Variants in LIPI observed in about 807,000 individuals in gnomAD.
LIPI encodes the protein lipase I.
LIPI carries 59 observed loss-of-function variants against 50.6 expected under a neutral mutation model. That is an observed-to-expected ratio of 1.16 (90% confidence interval 0.94 to 1.45). LIPI has a LOEUF of 1.45. Ranked by LOEUF, LIPI falls within the 40% of genes most tolerant of loss-of-function variation. The pLI, the probability that LIPI is intolerant of heterozygous loss-of-function variation, is 0.00. For missense variants in LIPI, 586 were observed against 536.3 expected (o/e 1.09, Z -0.92); for synonymous variants, 203 against 178.2 (o/e 1.14, Z -1.11).
At chr21:14,144,587 AG>A in intron 9 of LIPI, 35 bp downstream of exon 9, 1 of 1,163,994 alleles carries the variant, frequency 8.6e-7, no homozygotes, top group Middle Eastern at 2.3e-4. Context: ...CAAGTTTAAA[AG>A]ATAACATGTT....
chr21:14,159,473 C>G (rs1481593840), intron 7 of LIPI, among the ~76,000 whole-genome samples: 3 of 151,056 alleles, frequency 2.0e-5, no homozygotes, highest in African/African-American at 7.3e-5. Context: ...AAATTCTTGG[C>G]AAGTTAGGAA....
chr21:14,158,533 A>C (rs1245365134), intron 7 of LIPI, among the ~76,000 whole-genome samples: 12 of 150,912 alleles, frequency 8.0e-5, no homozygotes, highest in East Asian at 5.8e-4. Flanking sequence ...AAATAGAAAA[A>C]GAACAAAATA....
At chr21:14,128,105 G>A (rs8127852) in intron 9 of LIPI, among the ~76,000 whole-genome samples, 4,138 of 152,110 alleles carry the variant, frequency 0.027, 177 homozygotes, top group African/African-American at 0.091. Context: ...TGAAGATACT[G>A]CAGTGTAGGC....
At position 14,109,803 on chromosome 21, in the gene LIPI, C is replaced by G. The variant is rs9984526; in HGVS notation, c.1296-723G>C. 1.9e-3 allele frequency among the ~76,000 whole-genome samples: 287 copies of G among 151,886 alleles called. 1 individual carries two copies. The highest frequency in any genetic ancestry group is 6.3e-3 in the African/African-American group (261 of 41,474). ...GCTTAGGCAGGTTCACAATGCCTAT[C>G]AATGTTAAATTTTACCAAAGCCTTT... On this transcript the variant is annotated intron_variant, in intron 9 of 9. Coordinates refer to ENST00000681601, the MANE Select transcript of LIPI (RefSeq NM_001302998.2).
chr21:14,198,807 A>AT (rs1011661271), intron 1 of LIPI, among the ~76,000 whole-genome samples: 22 of 152,160 alleles, frequency 1.4e-4, no homozygotes, highest in Admixed American at 1.3e-3. Flanking sequence ...TAGAATACAC[A>AT]TTTTTTTCAA....
chr21:14,210,196 G>A (rs933161630), intron 1 of LIPI, among the ~76,000 whole-genome samples: 1 of 151,778 alleles, frequency 6.6e-6, no homozygotes, highest in African/African-American at 2.4e-5. Context: ...CTTATAAGTC[G>A]AACAAGTAAT....
intron 3 of LIPI, 28 bp downstream of exon 3, chr21:14,185,933 A>G: frequency 8.0e-7 from 1 of 1,252,344 alleles, no homozygotes; most frequent in Non-Finnish European, 1.2e-6. Flanking sequence ...AGTATGCTAA[A>G]GCAATAATTT....
At chr21:14,204,906 C>A (rs2123349571) in intron 1 of LIPI, among the ~76,000 whole-genome samples, 1 of 151,768 alleles carries the variant, frequency 6.6e-6, no homozygotes, top group African/African-American at 2.4e-5. Context: ...GATTTCATAG[C>A]ACATACATTT....
chr21:14,149,439 CT>C (rs1196109414), intron 8 of LIPI, among the ~76,000 whole-genome samples: 2 of 152,092 alleles, frequency 1.3e-5, no homozygotes, highest in Non-Finnish European at 1.5e-5. Flanking sequence ...CATTCCACCC[CT>C]GGCCTTCCCA....
At chr21:14,185,814 C>A (rs370207661) in intron 3 of LIPI, 147 bp downstream of exon 3, 7 of 575,356 alleles carry the variant, frequency 1.2e-5, no homozygotes, top group East Asian at 9.1e-5. Flanking sequence ...GCCCACGAAG[C>A]AGAGGTTGCA....
At chr21:14,155,349 A>C (rs2018236742) in intron 7 of LIPI, among the ~76,000 whole-genome samples, 1 of 151,984 alleles carries the variant, frequency 6.6e-6, no homozygotes, top group African/African-American at 2.4e-5. Context: ...GTGGGACTAT[A>C]ATAAAAGATG....
chr21:14,168,114 A>G (rs2018759268), intron 4 of LIPI, among the ~76,000 whole-genome samples: 1 of 152,236 alleles, frequency 6.6e-6, no homozygotes, highest in African/African-American at 2.4e-5. Context: ...AAAGGGTATC[A>G]GTGATGGAAG....
intron 9 of LIPI, among the ~76,000 whole-genome samples, chr21:14,117,462 T>G (rs760126551): frequency 2.6e-4 from 40 of 152,280 alleles, no homozygotes; most frequent in Middle Eastern, 3.4e-3. Context: ...CACAACAGAC[T>G]TTACCAATAG....
At chr21:14,122,119 G>A (rs1568833872) in intron 9 of LIPI, among the ~76,000 whole-genome samples, 1 of 152,204 alleles carries the variant, frequency 6.6e-6, no homozygotes, top group African/African-American at 2.4e-5. Context: ...GTGTAAACTT[G>A]ATCACAGTAG....
At position 14,210,862 on chromosome 21, in the gene LIPI, G is replaced by A. The variant is rs1321367866; in HGVS notation, c.-17C>T. The A allele has an allele frequency of 2.4e-6, 3 of 1,225,690 alleles. No individual in the cohort carries two copies. The highest frequency in any genetic ancestry group is 3.1e-6 in the Non-Finnish European group (3 of 958,850). 75.9% of individuals were successfully genotyped at this position (1,225,690 alleles called of 1,614,324 possible). On this transcript the variant is annotated 5_prime_UTR_variant, in exon 1 of 10. Coordinates refer to ENST00000681601, the MANE Select transcript of LIPI (RefSeq NM_001302998.2). The stretch of plus-strand genomic sequence containing the variant: ...TACTCTCATTTGGAATCTGAGAAAA[G>A]CAAAAACAGCACTCAATTCACCAAA...
chr21:14,136,036 C>T (rs147286154), intron 9 of LIPI, among the ~76,000 whole-genome samples: 119 of 152,292 alleles, frequency 7.8e-4, no homozygotes, highest in African/African-American at 2.8e-3. Flanking sequence ...CAGGCTCTAG[C>T]TCCTAGAAAA....
At chr21:14,127,832 C>A (rs1195649679) in intron 9 of LIPI, among the ~76,000 whole-genome samples, 1 of 152,034 alleles carries the variant, frequency 6.6e-6, no homozygotes, top group African/African-American at 2.4e-5. Context: ...TCCTTGACGT[C>A]TCTTCTAAGC....
intron 9 of LIPI, among the ~76,000 whole-genome samples, chr21:14,115,859 G>A (rs891010675): frequency 6.6e-6 from 1 of 152,140 alleles, no homozygotes; most frequent in Non-Finnish European, 1.5e-5. Context: ...CAGAGTAGCT[G>A]GGTGCAGCAG....
chr21:14,129,270 T>A (rs2017189546), intron 9 of LIPI, among the ~76,000 whole-genome samples: 1 of 152,032 alleles, frequency 6.6e-6, no homozygotes, highest in Admixed American at 6.6e-5. Flanking sequence ...ATTATACCAC[T>A]AAAAATAAAT....
Sources: allele counts gnomAD v4.1 joint callset (sites outside exome capture counted in the v4.1 genomes callset), GRCh38; gene constraint gnomAD v4.1.1; transcripts MANE v1.5; gene names NCBI Gene and HGNC (gene_info 2026-07-23, HGNC 2026-07-21).